Variants in EYS observed in about 807,000 individuals in gnomAD.
EYS encodes the protein protein eyes shut homolog.
In EYS, 250 loss-of-function variants were observed where a neutral mutation model predicts 282.1. The observed-to-expected ratio is 0.89, with a 90% CI of 0.80 to 0.98. The LOEUF (loss-of-function observed/expected upper bound fraction) is 0.98. EYS is among the 50% of genes least tolerant of loss of function. The pLI is 0.00. For missense variants in EYS, 4,016 were observed against 3,709.0 expected (o/e 1.08, Z -2.15); for synonymous variants, 1,355 against 1,282.9 (o/e 1.06, Z -1.20).
chr6:64,413,578 T>C (rs201558002), intron 28 of EYS, among the ~76,000 whole-genome samples: 3 of 144,512 alleles, frequency 2.1e-5, no homozygotes, highest in South Asian at 2.2e-4. Flanking sequence ...AAAAAAAACC[T>C]CCCCTCCCAA....
In EYS at chr6:63,779,016, T is replaced by C. The variant is rs973403596; in HGVS notation, c.7724-836A>G. On this transcript the variant is annotated intron_variant, in intron 39 of 42. Coordinates refer to ENST00000503581, the MANE Select transcript of EYS (RefSeq NM_001142800.2). ...ATGAGGACATTAGCTATTTGTAATA[T>C]ACGGTAAATAAACTTTCTCCAGTTT... 5 of 151,824 alleles carry C rather than the reference T, an allele frequency of 3.3e-5. No homozygotes were observed. The South Asian group carries it at 8.3e-4, about 25-fold the overall frequency. 9.4% of individuals were successfully genotyped at this position (151,824 alleles called of 1,614,324 possible).
intron 26 of EYS, among the ~76,000 whole-genome samples, chr6:64,440,757 A>G (rs1212941465): frequency 6.6e-6 from 1 of 152,168 alleles, no homozygotes; most frequent in Non-Finnish European, 1.5e-5. Context: ...AAATTGTGAA[A>G]GAGCATAAAA....
intron 22 of EYS, among the ~76,000 whole-genome samples, chr6:64,688,352 T>C (rs941345697): frequency 6.6e-6 from 1 of 152,220 alleles, no homozygotes; most frequent in African/African-American, 2.4e-5. Flanking sequence ...CTTTCTCTTA[T>C]GGGCATTTAG....
chr6:65,125,046 T>C (rs1448578105), intron 12 of EYS, among the ~76,000 whole-genome samples: 1 of 152,202 alleles, frequency 6.6e-6, no homozygotes, highest in Non-Finnish European at 1.5e-5. Context: ...CTTTAACACT[T>C]TGAACAACTA....
At chr6:64,259,814 T>C (rs1290682770) in intron 30 of EYS, among the ~76,000 whole-genome samples, 1 of 151,230 alleles carries the variant, frequency 6.6e-6, no homozygotes, top group African/African-American at 2.4e-5. Context: ...TTTGCAGATA[T>C]AGAGTTATAT....
chr6:64,315,592 G>A (rs565670555), intron 29 of EYS, among the ~76,000 whole-genome samples: 1 of 149,826 alleles, frequency 6.7e-6, no homozygotes, highest in African/African-American at 2.5e-5. Context: ...CTTCATCCCT[G>A]GGATGCAAGC....
intron 7 of EYS, among the ~76,000 whole-genome samples, chr6:65,394,398 C>T (rs1350616138): frequency 6.6e-6 from 1 of 152,116 alleles, no homozygotes; most frequent in Non-Finnish European, 1.5e-5. Context: ...ACTTTCCCTT[C>T]TCTACTCATG....
intron 33 of EYS, among the ~76,000 whole-genome samples, chr6:64,031,477 T>G (rs1769831549): frequency 6.6e-6 from 1 of 152,148 alleles, no homozygotes; most frequent in Non-Finnish European, 1.5e-5. Flanking sequence ...TGGCACGCAG[T>G]CCCATCGACC....
At chr6:64,531,154 T>A (rs568949223) in intron 26 of EYS, among the ~76,000 whole-genome samples, 1 of 152,188 alleles carries the variant, frequency 6.6e-6, no homozygotes, top group African/African-American at 2.4e-5. Context: ...TTAAATATAG[T>A]GTACCACTTT....
chr6:64,246,018 C>CAAAAAAAAAAAAAAAAAAAAAAAAAA (rs60121734), intron 30 of EYS, among the ~76,000 whole-genome samples: 1 of 56,200 alleles, frequency 1.8e-5, no homozygotes, highest in African/African-American at 8.2e-5. Flanking sequence ...AACTCCGTCT[C>CAAAAAAAAAAAAAAAAAAAAAAAAAA]AAAAAAAAAA....
chr6:65,568,955 A>T (rs1174397288), intron 2 of EYS, among the ~76,000 whole-genome samples: 1 of 152,200 alleles, frequency 6.6e-6, no homozygotes, highest in African/African-American at 2.4e-5. Context: ...CCCTGGGCAT[A>T]GGCCAAACTA....
At chr6:64,243,028 A>T (rs1766886837) in intron 30 of EYS, among the ~76,000 whole-genome samples, 1 of 147,338 alleles carries the variant, frequency 6.8e-6, no homozygotes, top group Non-Finnish European at 1.5e-5. Context: ...ATTAAGTATA[A>T]TAAATATAAA....
At chr6:64,663,908 G>A (rs1407856619) in intron 22 of EYS, among the ~76,000 whole-genome samples, 2 of 152,104 alleles carry the variant, frequency 1.3e-5, no homozygotes, top group South Asian at 2.1e-4. Flanking sequence ...GGAACCCAGC[G>A]ACTAGTGTTA....
intron 31 of EYS, among the ~76,000 whole-genome samples, chr6:64,130,141 A>G (rs982933211): frequency 3.3e-5 from 5 of 152,230 alleles, no homozygotes; most frequent in African/African-American, 4.8e-5. Flanking sequence ...TATATACCCA[A>G]AGGATTATAA....
At chr6:64,093,119 G>C (rs971640972) in intron 31 of EYS, among the ~76,000 whole-genome samples, 2 of 152,026 alleles carry the variant, frequency 1.3e-5, no homozygotes, top group African/African-American at 4.8e-5. Context: ...CTATATCTCT[G>C]TTTTGGTACC....
intron 31 of EYS, among the ~76,000 whole-genome samples, chr6:64,226,717 T>C (rs1304067335): frequency 1.3e-5 from 2 of 152,134 alleles, no homozygotes; most frequent in African/African-American, 4.8e-5. Flanking sequence ...AAAAAGAGCA[T>C]ATTAAATCAA....
At chr6:64,950,792 C>CACATATAT (rs1769462754) in intron 14 of EYS, among the ~76,000 whole-genome samples, 1 of 60,914 alleles carries the variant, frequency 1.6e-5, no homozygotes, top group African/African-American at 7.1e-5. Flanking sequence ...TACACATATA[C>CACATATAT]ATATACATAT....
At chr6:64,412,593 G>T (rs1023332944) in intron 28 of EYS, 1 of 152,086 alleles carries the variant, frequency 6.6e-6, no homozygotes, top group African/African-American at 2.4e-5. Context: ...TTGATGTCTA[G>T]TAATATACTC....
intron 30 of EYS, among the ~76,000 whole-genome samples, chr6:64,247,655 A>G (rs557170451): frequency 2.0e-5 from 3 of 152,310 alleles, no homozygotes; most frequent in Admixed American, 6.5e-5. Flanking sequence ...AAAAAAGGCA[A>G]TTGTAATATT....
Sources: allele counts gnomAD v4.1 joint callset (sites outside exome capture counted in the v4.1 genomes callset), GRCh38; gene constraint gnomAD v4.1.1; transcripts MANE v1.5; gene names NCBI Gene and HGNC (gene_info 2026-07-23, HGNC 2026-07-21).